The following TTN variants were observed in gnomAD, a reference collection of about 807,000 sequenced individuals.
The protein encoded by TTN is connectin.
In TTN, 1,525 loss-of-function variants were observed where a neutral mutation model predicts 3,223.0. The ratio of observed to expected loss-of-function variants is 0.47; its 90% CI spans 0.45 to 0.49. The LOEUF (loss-of-function observed/expected upper bound fraction) is 0.49. TTN is among the 20% of genes least tolerant of loss of function. The pLI, the probability that TTN is intolerant of heterozygous loss-of-function variation, is 0.00. For missense variants in TTN, 40,786 were observed against 43,424.0 expected (o/e 0.94, Z 5.40); for synonymous variants, 14,094 against 15,161.0 (o/e 0.93, Z 5.17).
intron 63 of TTN, 23 bp from the exon 64 acceptor site, chr2:178,729,589 G>A: frequency 6.2e-7 from 1 of 1,612,420 alleles, no homozygotes; most frequent in Non-Finnish European, 8.5e-7. Flanking sequence ...AAGGAAGACA[G>A]TAGCTTACTC....
rs1465804178 is a variant in TTN at position 178,579,126 on chromosome 2, G to C, written c.67904C>G (p.Thr22635Ser). ...LKNVAGTKEG[T>S]ISIKVVGKPG... ...CTTGCCAACAACCTTTATGGAGATA[G>C]TTCCTTCCTTGGTGCCAGCAACATT... is the stretch of plus-strand genomic sequence containing the variant. Residue 22635 changes from threonine to serine, a missense_variant, in exon 320 of 363, where the codon ACT becomes AGT. Thr to Ser is a moderately conservative substitution (Grantham distance 58). Coordinates refer to ENST00000589042, the MANE Select transcript of TTN (RefSeq NM_001267550.2). The C allele has an allele frequency of 6.2e-7, 1 of 1,613,288 alleles. No homozygotes were observed. Among genetic ancestry groups the C allele is most frequent in the Non-Finnish European group, 8.5e-7 (1 of 1,179,562 alleles).
In TTN at chr2:178,549,006, C is replaced by T; in HGVS notation, c.92620G>A (p.Glu30874Lys). Residue 30874 changes from glutamate to lysine, a missense_variant, in exon 339 of 363, where the codon GAG becomes AAG. By Grantham distance (56) the Glu-to-Lys change is moderately conservative. Transcript: ENST00000589042. ...DLGDWHKVNA[E>K]ACVKTRYTVT... ...GTATATCTTGTTTTCACACATGCCTCTGCATTCACCTTGTGCCAGTCTCCT... is the reference window on the plus strand; with the variant it reads ...GTATATCTTGTTTTCACACATGCCTTTGCATTCACCTTGTGCCAGTCTCCT... 1 of 1,613,886 alleles carries T rather than the reference C, an allele frequency of 6.2e-7. No homozygotes were observed.
chr2:178,621,311 T>G lies in TTN; in HGVS notation c.45407A>C (p.Lys15136Thr). Reference sequence around the variant, plus strand: ...TGATATAGAGCAGACAAATTCAGCCTTTTCTCCTTCAAGTATTTCAAGGTT... The same window carrying G: ...TGATATAGAGCAGACAAATTCAGCCGTTTCTCCTTCAAGTATTTCAAGGTT... ...PQNLEILEGE[K>T]AEFVCSISKE... Residue 15136 changes from lysine (K) to threonine (T), a missense_variant, in exon 246 of 363, where the codon AAG becomes ACG. Lys to Thr is a moderately conservative substitution (Grantham distance 78). Transcript: ENST00000589042. 2 of 1,611,976 alleles carry G rather than the reference T, an allele frequency of 1.2e-6. No homozygotes were observed. The highest frequency in any genetic ancestry group is 1.7e-6 in the Non-Finnish European group (2 of 1,179,014).
chr2:178,692,429 C>T, intron 120 of TTN, 68 bp downstream of exon 120: 1 of 1,385,100 alleles, frequency 7.2e-7, no homozygotes, highest in Non-Finnish European at 1.0e-6. Flanking sequence ...TTTGTTAATA[C>T]ACAGATCTTA....
In TTN at chr2:178,570,277, A is replaced by G. The variant is rs1575732144; in HGVS notation, c.75855T>C (p.Tyr25285=). ...YTFRIMAVNK[Y]GVGEPLESEP... ...CAGATTCAAGAGGTTCACCAACACC[A>G]TATTTGTTTACTGCCATTATACGGA... The change falls in exon 326 of 363, where the codon TAT becomes TAC. Residue 25285 remains tyrosine, a synonymous_variant. Coordinates refer to ENST00000589042, the MANE Select transcript of TTN (RefSeq NM_001267550.2). The G allele has an allele frequency of 6.2e-7, 1 of 1,613,380 alleles. No homozygotes were observed. Among genetic ancestry groups the G allele is most frequent in the Non-Finnish European group, 8.5e-7 (1 of 1,179,624 alleles).
chr2:178,682,815 A>C lies in TTN; in HGVS notation c.32976T>G (p.Tyr10992Ter). 6 of 1,612,198 alleles carry C rather than the reference A, an allele frequency of 3.7e-6. No homozygotes were observed. Among genetic ancestry groups the C allele is most frequent in the Non-Finnish European group, 5.1e-6 (6 of 1,179,056 alleles). ...SVQREEEYEE[Y>*]EEYDYKEFEE... ...CAAATTCTTTATAATCATATTCTTCATATTCCTCATATTCTTCTTCCCGTT... is the reference window on the plus strand; with the variant it reads ...CAAATTCTTTATAATCATATTCTTCCTATTCCTCATATTCTTCTTCCCGTT... The change falls in exon 135 of 363, where the codon TAT becomes TAG. Residue 10992 changes from tyrosine (Y) to a stop codon, truncating the protein, a stop_gained. Transcript: ENST00000589042. LOFTEE classifies it high-confidence loss of function.
rs116215934 is a variant in TTN at position 178,793,694 on chromosome 2, C to T, written c.1399-153G>A. On this transcript the variant is annotated intron_variant, in intron 8 of 362. Transcript: ENST00000589042. ...GCACACCTGTAATCCCAGCTACTCACGAGACTGAGGCACAAGAATCACTTA... is the reference window on the plus strand; with the variant it reads ...GCACACCTGTAATCCCAGCTACTCATGAGACTGAGGCACAAGAATCACTTA... The T allele has an allele frequency of 0.026, 15,018 of 570,436 alleles. 257 individuals are homozygous for T. The highest frequency in any genetic ancestry group is 0.04 in the Middle Eastern group (43 of 1,084). 35.3% of individuals were successfully genotyped at this position (570,436 alleles called of 1,614,324 possible).
Position 178,633,573 on chromosome 2 carries a change from C to T in TTN, c.42786G>A (p.Trp14262Ter). 1 of 1,613,406 alleles carries T rather than the reference C, an allele frequency of 6.2e-7. No homozygotes were observed. The highest frequency in any genetic ancestry group is 1.1e-5 in the South Asian group (1 of 91,080). Residue 14262 changes from tryptophan (W) to a stop codon, truncating the protein, a stop_gained, in exon 232 of 363, where the codon TGG (tryptophan) becomes TGA (stop). Coordinates refer to ENST00000589042, the MANE Select transcript of TTN (RefSeq NM_001267550.2). LOFTEE classifies it high-confidence loss of function. The part of the protein sequence containing the change: ...CEVSKDVPVK[W>*]FKDGEEIVPS... ...GGACAATCTCTTCACCATCTTTGAACCATTTCACTGGTACATCTTTGCTCA... is the reference window on the plus strand; with the variant it reads ...GGACAATCTCTTCACCATCTTTGAATCATTTCACTGGTACATCTTTGCTCA...
chr2:178,566,873 C>T lies in TTN; in HGVS notation c.79259G>A (p.Gly26420Asp). Reference sequence around the variant, plus strand: ...TCTGTCTCTTTTCTCTACAATGTAACCAATAATCTCACTTCCACCATCACT... The same window carrying T: ...TCTGTCTCTTTTCTCTACAATGTAATCAATAATCTCACTTCCACCATCACT... ...PDSDGGSEII[G>D]YIVEKRDRSG... Residue 26420 changes from glycine to aspartate, a missense_variant, in exon 326 of 363, where the codon GGT (glycine) becomes GAT (aspartate). By Grantham distance (94) the Gly-to-Asp change is moderately conservative. Transcript: ENST00000589042. 2 of 1,613,442 alleles carry T rather than the reference C, an allele frequency of 1.2e-6. No individual in the cohort carries two copies. Among genetic ancestry groups the T allele is most frequent in the Non-Finnish European group, 8.5e-7 (1 of 1,179,646 alleles).
At position 178,588,656 on chromosome 2, in the gene TTN, C is replaced by A. The variant is rs1060500596; in HGVS notation, c.63069G>T (p.Met21023Ile). The change falls in exon 304 of 363, where the codon ATG becomes ATT. Residue 21023 changes from methionine (M) to isoleucine (I), a missense_variant. Physicochemically the swap from Met to Ile is conservative, Grantham distance 10. Transcript: ENST00000589042. The part of the protein sequence containing the change: ...VNKSAIPERR[M>I]KVQNLLPDHE... ...GGTCTGGGAGGAGATTCTGTACTTT[C>A]ATACGTCTCTCAGGGATTGCACTCT... The A allele has an allele frequency of 4.3e-6, 7 of 1,611,258 alleles. No individual in the cohort carries two copies. In the East Asian group the frequency reaches 1.6e-4, roughly 36 times the overall value.
rs1186257861 is a variant in TTN, at chr2:178,756,723, A to G, written c.10753T>C (p.Ser3585Pro). 1 of 1,613,834 alleles carries G rather than the reference A, an allele frequency of 6.2e-7. No homozygotes were observed. The highest frequency in any genetic ancestry group is 1.1e-5 in the South Asian group (1 of 91,084). ...ATTTTGCTCTCCTCCTTTGTGAAAG[A>G]GGAATCTGCCACTGCCTGGGACTTG... ...STKSQAVADS[S>P]FTKEESKISQ... The change falls in exon 46 of 363, where the codon TCT becomes CCT. Residue 3585 changes from serine to proline, a missense_variant. Physicochemically the swap from Ser to Pro is moderately conservative, Grantham distance 74 (BLOSUM62 -1). Coordinates refer to ENST00000589042, the MANE Select transcript of TTN (RefSeq NM_001267550.2).
chr2:178,806,176 A>T (rs866002422), intron 1 of TTN, among the ~76,000 whole-genome samples: 2 of 152,212 alleles, frequency 1.3e-5, no homozygotes, highest in Non-Finnish European at 2.9e-5. Flanking sequence ...GAAAAATCAG[A>T]TAATATCCAA....
intron 206 of TTN, 64 bp from the exon 207 acceptor site, chr2:178,651,600 A>G: frequency 6.2e-7 from 1 of 1,611,680 alleles, no homozygotes; most frequent in African/African-American, 1.3e-5. Flanking sequence ...ATCATGAAGC[A>G]GAACAGTAGA....
Position 178,775,624 on chromosome 2 carries a change from G to A in TTN, c.6240C>T (p.Ile2080=), listed in dbSNP as rs1398450518. 6.2e-7 allele frequency: 1 copy of A among 1,614,114 alleles called. No homozygotes were observed. Among genetic ancestry groups the A allele is most frequent in the Non-Finnish European group, 8.5e-7 (1 of 1,180,002 alleles). Reference sequence around the variant, plus strand: ...CTGTTTGGCTCTGGATTCTTTCGAAGATTTTTGGAGCCTCCATACTAGGAC... The same window carrying A: ...CTGTTTGGCTCTGGATTCTTTCGAAAATTTTTGGAGCCTCCATACTAGGAC... ...ELSPSMEAPK[I]FERIQSQTVG... Residue 2080 remains isoleucine, a synonymous_variant, in exon 28 of 363, where the codon ATC becomes ATT. Transcript: ENST00000589042.
At chr2:178,717,502 A>G in intron 87 of TTN, 21 bp downstream of exon 87, 1 of 1,577,942 alleles carries the variant, frequency 6.3e-7, no homozygotes, top group South Asian at 1.2e-5. Flanking sequence ...TACAATGAAG[A>G]GGGTACTGTG....
rs1689730736 is a variant in TTN, at chr2:178,532,746, T to G, written c.103869A>C (p.Lys34623Asn). 6.2e-7 allele frequency: 1 copy of G among 1,613,740 alleles called. No individual in the cohort carries two copies. The highest frequency in any genetic ancestry group is 1.1e-5 in the South Asian group (1 of 91,072). Residue 34623 changes from lysine to asparagine, a missense_variant, in exon 358 of 363, where the codon AAA becomes AAC. By Grantham distance (94) the Lys-to-Asn change is moderately conservative (BLOSUM62 0). Transcript: ENST00000589042. Reference sequence around the variant, plus strand: ...CTATCTCAAGATCATCTTGGGACAGTTTAGGAATACGCCATTTAGGTCTGT... The same window carrying G: ...CTATCTCAAGATCATCTTGGGACAGGTTAGGAATACGCCATTTAGGTCTGT... ...DQYRPKWRIPKLSQDDLEIVR... is the reference protein window; with the variant it reads ...DQYRPKWRIPNLSQDDLEIVR...
rs1211735152 is a variant in TTN, at chr2:178,547,742, C to T, written c.93884G>A (p.Gly31295Asp). Residue 31295 changes from glycine (G) to aspartate (D), a missense_variant, in exon 339 of 363, where the codon GGT (glycine) becomes GAT (aspartate). Transcript: ENST00000589042. ...RYFLTLENTA[G>D]VKTFSVTVVV... Reference sequence around the variant, plus strand: ...AACTGTGACGCTAAATGTTTTAACACCAGCTGTATTTTCCAGGGTCAAGAA... The same window carrying T: ...AACTGTGACGCTAAATGTTTTAACATCAGCTGTATTTTCCAGGGTCAAGAA... 3 of 1,613,602 alleles carry T rather than the reference C, an allele frequency of 1.9e-6. No individual in the cohort carries two copies. The highest frequency in any genetic ancestry group is 1.3e-5 in the African/African-American group (1 of 75,044).
intron 47 of TTN, among the ~76,000 whole-genome samples, chr2:178,743,964 G>C (rs1026346373): frequency 6.6e-6 from 1 of 151,834 alleles, no homozygotes. Flanking sequence ...AGGCAGGGGA[G>C]GCCTGGCTGC....
chr2:178,802,281 A>C lies in TTN; in HGVS notation c.152T>G (p.Leu51Arg), dbSNP rs868419744. The C allele has an allele frequency of 3.1e-6, 5 of 1,614,076 alleles. No individual in the cohort carries two copies. In the African/African-American group the frequency reaches 5.3e-5, roughly 17 times the overall value. ...RDGQVISTST[L>R]PGVQISFSDG... ...GCTAAAGGAGATCTGCACGCCGGGC[A>C]GAGTGGAAGTGGAAATCACCTGGCC... The change falls in exon 3 of 363, where the codon CTG becomes CGG. Residue 51 changes from leucine to arginine, a missense_variant. Physicochemically the swap from Leu to Arg is moderately radical, Grantham distance 102 (BLOSUM62 -2). Coordinates refer to ENST00000589042, the MANE Select transcript of TTN (RefSeq NM_001267550.2).
Sources: gnomAD v4.1 joint callset for allele counts (sites outside exome capture counted in the v4.1 genomes callset) on GRCh38, gnomAD v4.1.1 for gene constraint, MANE v1.5 for transcripts, NCBI Gene and HGNC (gene_info 2026-07-23, HGNC 2026-07-21) for gene names.